Variants in PALLD observed in about 807,000 individuals in gnomAD.
PALLD encodes the protein palladin, cytoskeletal associated protein.
PALLD carries 61 observed loss-of-function variants against 123.5 expected under a neutral mutation model. The observed-to-expected ratio is 0.49, with a 90% CI of 0.40 to 0.61. The LOEUF is 0.61. PALLD is among the 20% of genes least tolerant of loss of function. The pLI is 0.00. For missense variants in PALLD, 1,273 were observed against 1,377.0 expected (o/e 0.92, Z 1.20); for synonymous variants, 465 against 496.4 (o/e 0.94, Z 0.84).
chr4:168,793,328 T>C (rs572140558), intron 10 of PALLD, among the ~76,000 whole-genome samples: 1 of 93,640 alleles, frequency 1.1e-5, no homozygotes, highest in Non-Finnish European at 2.2e-5. Context: ...TGCATATATA[T>C]ACATATATAT....
chr4:168,726,018 G>T (rs887562308), intron 10 of PALLD, among the ~76,000 whole-genome samples: 3 of 152,132 alleles, frequency 2.0e-5, no homozygotes, highest in African/African-American at 7.2e-5. Flanking sequence ...AAATATTCAT[G>T]TGTATTTTTA....
intron 10 of PALLD, among the ~76,000 whole-genome samples, chr4:168,822,658 C>G (rs2032703660): frequency 6.6e-6 from 1 of 152,206 alleles, no homozygotes; most frequent in African/African-American, 2.4e-5. Flanking sequence ...AATTCACTTT[C>G]AGTGGGCGGT....
intron 10 of PALLD, chr4:168,863,887 G>T (rs1317276198): frequency 6.6e-6 from 1 of 152,062 alleles, no homozygotes; most frequent in Non-Finnish European, 1.5e-5. Flanking sequence ...TACTAATCTT[G>T]GTTTCCTGGT....
At chr4:168,621,619 A>G (rs567034040) in intron 2 of PALLD, among the ~76,000 whole-genome samples, 1 of 152,326 alleles carries the variant, frequency 6.6e-6, no homozygotes, top group Admixed American at 6.5e-5. Context: ...ATATTACCAT[A>G]TTTCCATATT....
intron 10 of PALLD, among the ~76,000 whole-genome samples, chr4:168,735,963 G>T (rs1787709192): frequency 1.3e-5 from 2 of 152,124 alleles, no homozygotes; most frequent in Admixed American, 1.3e-4. Flanking sequence ...CATTCCACAG[G>T]TTAACCCAAG....
At chr4:168,724,616 A>ACT (rs1786364077) in intron 10 of PALLD, among the ~76,000 whole-genome samples, 1 of 152,270 alleles carries the variant, frequency 6.6e-6, no homozygotes, top group African/African-American at 2.4e-5. Context: ...AACATATTAA[A>ACT]TTGATTCTGT....
Position 168,578,570 on chromosome 4 carries a change from T to C in PALLD, c.908+66158T>C, listed in dbSNP as rs1346932154. On this transcript the variant is annotated intron_variant, in intron 2 of 21. Transcript: ENST00000505667. The stretch of plus-strand genomic sequence containing the variant: ...TGAATGTGAGTCAACTAAACCTCTT[T>C]CCTTTATAAATTACTCAGTCTTGGG... Among the ~76,000 whole-genome samples the C allele has an allele frequency of 6.6e-5, 10 of 152,264 alleles. No individual in the cohort carries two copies. The East Asian group carries it at 1.5e-3, about 24-fold the overall frequency.
At chr4:168,915,167 C>A (rs1054412528) in intron 16 of PALLD, among the ~76,000 whole-genome samples, 1 of 152,140 alleles carries the variant, frequency 6.6e-6, no homozygotes, top group African/African-American at 2.4e-5. Context: ...TAGTATGCTT[C>A]TTTCATTTGT....
chr4:168,874,712 G>A (rs1232592268), intron 10 of PALLD, among the ~76,000 whole-genome samples: 1 of 151,920 alleles, frequency 6.6e-6, no homozygotes, highest in Non-Finnish European at 1.5e-5. Context: ...CTGAAGTAGT[G>A]TAAAGAGCAG....
chr4:168,795,293 G>A (rs1034757017), intron 10 of PALLD, among the ~76,000 whole-genome samples: 2 of 152,206 alleles, frequency 1.3e-5, no homozygotes, highest in African/African-American at 4.8e-5. Flanking sequence ...GTAACCCACT[G>A]TTGTGAAATC....
At chr4:168,644,243 A>G (rs751082701) in intron 2 of PALLD, among the ~76,000 whole-genome samples, 6 of 151,342 alleles carry the variant, frequency 4.0e-5, no homozygotes, top group Non-Finnish European at 7.4e-5. Flanking sequence ...CGCCTCCACC[A>G]AGAATGGCTA....
chr4:168,618,631 G>T (rs1774456839), intron 2 of PALLD, among the ~76,000 whole-genome samples: 1 of 152,186 alleles, frequency 6.6e-6, no homozygotes, highest in South Asian at 2.1e-4. Context: ...AGGAGGAAAT[G>T]CAGAAATCAC....
At chr4:168,753,024 G>A (rs56661229) in intron 10 of PALLD, among the ~76,000 whole-genome samples, 2,140 of 152,144 alleles carry the variant, frequency 0.014, 39 homozygotes, top group African/African-American at 0.046. Context: ...TATATTAAGA[G>A]TACATTTATG....
At chr4:168,673,791 C>G (rs1228616834) in intron 3 of PALLD, among the ~76,000 whole-genome samples, 1 of 151,984 alleles carries the variant, frequency 6.6e-6, no homozygotes, top group Admixed American at 6.6e-5. Flanking sequence ...TCAGCTATAC[C>G]GTTTGTGAGG....
chr4:168,817,283 A>G (rs1015885950), intron 10 of PALLD, among the ~76,000 whole-genome samples: 1 of 152,226 alleles, frequency 6.6e-6, no homozygotes, highest in African/African-American at 2.4e-5. Context: ...TAGACGCACC[A>G]TCACATTCCC....
chr4:168,738,827 C>T (rs1007207834), intron 10 of PALLD, among the ~76,000 whole-genome samples: 1 of 151,548 alleles, frequency 6.6e-6, no homozygotes, highest in East Asian at 1.9e-4. Flanking sequence ...TAATACCTAG[C>T]ATATCAAAAA....
intron 15 of PALLD, among the ~76,000 whole-genome samples, chr4:168,907,624 A>G (rs970397414): frequency 4.6e-5 from 7 of 152,116 alleles, no homozygotes; most frequent in African/African-American, 1.7e-4. Flanking sequence ...CCCAAAAGAG[A>G]GTGGTTACTG....
intron 10 of PALLD, among the ~76,000 whole-genome samples, chr4:168,743,045 A>G (rs1344673945): frequency 6.6e-6 from 1 of 152,168 alleles, no homozygotes; most frequent in Non-Finnish European, 1.5e-5. Context: ...CAGGAGCTAT[A>G]GACTAGAATA....
intron 7 of PALLD, 74 bp downstream of exon 7, chr4:168,690,818 A>G: frequency 7.0e-7 from 1 of 1,429,376 alleles, no homozygotes; most frequent in South Asian, 1.1e-5. Context: ...AAGAAGGGCT[A>G]AGTCATTAAG....
Sources: gnomAD v4.1 joint callset for allele counts (sites outside exome capture counted in the v4.1 genomes callset) on GRCh38, gnomAD v4.1.1 for gene constraint, MANE v1.5 for transcripts, NCBI Gene and HGNC (gene_info 2026-07-23, HGNC 2026-07-21) for gene names.